Variants in OVCH1 observed in about 807,000 individuals in gnomAD.
OVCH1 encodes the protein ovochymase 1.
Under a neutral mutation model 138.4 loss-of-function variants are expected in OVCH1, and 139 were observed. The ratio of observed to expected loss-of-function variants is 1.00; its 90% CI spans 0.87 to 1.16. OVCH1 has a LOEUF of 1.16. Among genes scored for constraint, OVCH1 ranks in the 50% most tolerant of loss-of-function variants. OVCH1 has a pLI of 0.00. For synonymous variants in OVCH1, 453 were observed against 467.8 expected (o/e 0.97, Z 0.41); for missense variants, 1,367 against 1,357.9 (o/e 1.01, Z -0.11).
intron 19 of OVCH1, among the ~76,000 whole-genome samples, chr12:29,456,804 T>C (rs1206249948): frequency 6.6e-6 from 1 of 152,222 alleles, no homozygotes; most frequent in Non-Finnish European, 1.5e-5. Context: ...TAAATAAATG[T>C]TTGCCTAATT....
intron 19 of OVCH1, among the ~76,000 whole-genome samples, chr12:29,460,445 C>T (rs1942092582): frequency 6.6e-6 from 1 of 152,114 alleles, no homozygotes; most frequent in African/African-American, 2.4e-5. Flanking sequence ...CAGGAGTGCA[C>T]TTTCCGTATT....
chr12:29,487,964 A>G, intron 6 of OVCH1, 82 bp from the exon 7 acceptor site: 1 of 1,336,494 alleles, frequency 7.5e-7, no homozygotes, highest in South Asian at 1.6e-5. Context: ...ATCAGCACTC[A>G]TCACAAAGTG....
chr12:29,416,746 G>A (rs1565561077), intron 3 of OVCH1, among the ~76,000 whole-genome samples: 2 of 152,262 alleles, frequency 1.3e-5, no homozygotes, highest in East Asian at 3.9e-4. Flanking sequence ...AAACAGCTTA[G>A]TTTATTACAA....
At chr12:29,457,072 A>G (rs1043076363) in intron 19 of OVCH1, among the ~76,000 whole-genome samples, 2 of 152,230 alleles carry the variant, frequency 1.3e-5, no homozygotes, top group Admixed American at 1.3e-4. Flanking sequence ...AGAAACCTTA[A>G]GTAGGGAAAA....
Position 29,467,760 on chromosome 12 carries a change from C to T in OVCH1, c.1857-2541G>A, listed in dbSNP as rs946750347. On this transcript the variant is annotated intron_variant, in intron 16 of 27. Coordinates refer to ENST00000318184, the Ensembl canonical transcript of OVCH1. ...TAACAAGATGAGAACACCAGATTTT[C>T]CTAAGTGTGGAACACCACCATCAGG... is the stretch of plus-strand genomic sequence containing the variant. Among the ~76,000 whole-genome samples, 43 of 152,194 alleles carry T rather than the reference C, an allele frequency of 2.8e-4. 1 individual carries two copies. The highest frequency in any genetic ancestry group is 2.8e-3 in the Admixed American group (43 of 15,266).
intron 25 of OVCH1, 21 bp downstream of exon 25, chr12:29,443,340 G>C (rs1168238297): frequency 6.2e-7 from 1 of 1,605,856 alleles, no homozygotes; most frequent in Admixed American, 1.7e-5. Flanking sequence ...GTAGCATAGA[G>C]ATTCATGGGA....
At chr12:29,490,393 A>G (rs1369298340) in intron 5 of OVCH1, among the ~76,000 whole-genome samples, 1 of 152,180 alleles carries the variant, frequency 6.6e-6, no homozygotes, top group East Asian at 1.9e-4. Context: ...AATTATTTAT[A>G]AAATAAAAAA....
chr12:29,476,242 C>T (rs1315217889), exon 13 of OVCH1: 1 of 1,613,510 alleles, frequency 6.2e-7, no homozygotes, highest in Non-Finnish European at 8.5e-7. Flanking sequence ...CCGTAAATCA[C>T]AACAGCATCA....
chr12:29,453,998 T>A (rs1284305541), intron 21 of OVCH1, among the ~76,000 whole-genome samples: 1 of 152,104 alleles, frequency 6.6e-6, no homozygotes, highest in Non-Finnish European at 1.5e-5. Context: ...AACAACCGCT[T>A]CTTTTTGTTC....
At chr12:29,436,380 A>G (rs569944394) in intron 26 of OVCH1, among the ~76,000 whole-genome samples, 28 of 152,192 alleles carry the variant, frequency 1.8e-4, no homozygotes, top group Non-Finnish European at 2.5e-4. Context: ...ATGTTATATA[A>G]CATTTGACAA....
chr12:29,476,325 G>A (rs746074742), intron 12 of OVCH1, 26 bp from the exon 13 acceptor site: 1 of 1,559,224 alleles, frequency 6.4e-7, no homozygotes, highest in African/African-American at 1.4e-5. Flanking sequence ...CATAACCAGG[G>A]AAATGGTCAA....
Position 29,416,078 on chromosome 12 carries a change from C to CAAA in OVCH1, c.*72-3356_*72-3354dup, listed in dbSNP as rs35897065. 6.0e-3 allele frequency among the ~76,000 whole-genome samples: 878 copies of CAAA among 145,814 alleles called. 4 individuals carry two copies. Among genetic ancestry groups the CAAA allele is most frequent in the African/African-American group, 0.02 (783 of 39,452 alleles). On this transcript the variant is annotated intron_variant and NMD_transcript_variant, in intron 3 of 4. Coordinates refer to the OVCH1 transcript ENST00000539117. Reference sequence around the variant, plus strand: ...GCTATCCCTTAGACCACAAAAAAAGCAAAAAAAAAAGGAAAAAGGAAAGGA... The same window carrying CAAA: ...GCTATCCCTTAGACCACAAAAAAAGCAAAAAAAAAAAAAGGAAAAAGGAAAGGA...
downstream of OVCH1, among the ~76,000 whole-genome samples, chr12:29,423,523 T>C (rs760332560): frequency 3.9e-5 from 6 of 151,988 alleles, no homozygotes; most frequent in Non-Finnish European, 8.8e-5. Flanking sequence ...ATAGAAAAAA[T>C]GGTACACACT....
chr12:29,464,869 G>A, intron 17 of OVCH1, 167 bp from the exon 18 acceptor site: 1 of 702,902 alleles, frequency 1.4e-6, no homozygotes, highest in Non-Finnish European at 2.3e-6. Context: ...ACAATTTGCA[G>A]GGGGCTATGA....
At chr12:29,456,774 T>C (rs1008582470) in intron 19 of OVCH1, among the ~76,000 whole-genome samples, 9 of 152,202 alleles carry the variant, frequency 5.9e-5, no homozygotes, top group African/African-American at 2.2e-4. Flanking sequence ...CCTACCACAA[T>C]ATCCAGCACT....
exon 17 of OVCH1, chr12:29,465,154 G>C: frequency 1.2e-6 from 2 of 1,601,516 alleles, no homozygotes; most frequent in South Asian, 2.3e-5. Flanking sequence ...CACCTGCTCT[G>C]TTGATTCCTT....
downstream of OVCH1, among the ~76,000 whole-genome samples, chr12:29,408,236 A>C (rs1282694718): frequency 7.9e-6 from 1 of 127,208 alleles, no homozygotes; most frequent in Non-Finnish European, 1.9e-5. Context: ...CTAGATATAC[A>C]ATCATGTTGT....
At chr12:29,461,272 A>G (rs982998921) in intron 19 of OVCH1, among the ~76,000 whole-genome samples, 1 of 152,208 alleles carries the variant, frequency 6.6e-6, no homozygotes, top group Non-Finnish European at 1.5e-5. Context: ...GGTTGTATGT[A>G]TATCTAAAGT....
intron 26 of OVCH1, among the ~76,000 whole-genome samples, chr12:29,437,276 T>C (rs1285238723): frequency 6.6e-6 from 1 of 152,172 alleles, no homozygotes; most frequent in Non-Finnish European, 1.5e-5. Context: ...ACCTCTTAAT[T>C]TGTCATTTTT....
Sources: allele counts gnomAD v4.1 joint callset (sites outside exome capture counted in the v4.1 genomes callset), GRCh38; gene constraint gnomAD v4.1.1; transcripts MANE v1.5; gene names NCBI Gene and HGNC (gene_info 2026-07-23, HGNC 2026-07-21).